JMJD7: variants seen among roughly 807,000 people sequenced by gnomAD.
JMJD7 encodes the protein bifunctional peptidase and (3S)-lysyl hydroxylase JMJD7.
In JMJD7, 41 loss-of-function variants were observed where a neutral mutation model predicts 41.1. That is an observed-to-expected ratio of 1.00 (90% CI 0.78 to 1.30). The LOEUF is 1.30. Among genes scored for constraint, JMJD7 ranks in the 50% most tolerant of loss-of-function variants. JMJD7 has a pLI of 0.00. For synonymous variants in JMJD7, 202 were observed against 177.2 expected (o/e 1.14, Z -1.11); for missense variants, 480 against 420.7 (o/e 1.14, Z -1.23).
chr15:41,829,084 A>T (rs1469781062), intron 1 of JMJD7: 3 of 152,276 alleles, frequency 2.0e-5, no homozygotes, highest in Non-Finnish European at 2.9e-5. Flanking sequence ...CACTGAACAA[A>T]ACAAATCTGT....
rs1596114716 is a variant in JMJD7 at position 41,835,479 on chromosome 15, C to T, written c.473-109C>T. On this transcript the variant is annotated intron_variant, in intron 3 of 7. Coordinates refer to ENST00000397299, the MANE Select transcript of JMJD7 (RefSeq NM_001114632.2). ...AACCTCTGCCTCTTCTCCCTGACCC[C>T]TTTCTTGGGATTCTTCTGTGCTCAC... 9 of 1,491,382 alleles carry T rather than the reference C, an allele frequency of 6.0e-6. No individual in the cohort carries two copies. In the East Asian group the frequency reaches 1.6e-4, roughly 26 times the overall value. 92.4% of individuals were successfully genotyped at this position (1,491,382 alleles called of 1,614,324 possible). A position where few individuals can be genotyped will look rare whatever the true frequency, so the allele number is the denominator to read the frequency against.
intron 5 of JMJD7, 105 bp from the exon 6 acceptor site, chr15:41,836,370 C>T (rs2303516): frequency 6.5e-7 from 1 of 1,548,666 alleles, no homozygotes; most frequent in South Asian, 1.2e-5. Flanking sequence ...TGCACCAGGG[C>T]CCCTGATCCC....
chr15:41,835,488 G>A, intron 3 of JMJD7, 100 bp from the exon 4 acceptor site: 1 of 1,509,792 alleles, frequency 6.6e-7, no homozygotes, highest in Middle Eastern at 1.9e-4. Context: ...CCTTTCTTGG[G>A]ATTCTTCTGT....
chr15:41,835,894 G>A (rs2065305797), intron 4 of JMJD7, among the ~76,000 whole-genome samples: 2 of 152,312 alleles, frequency 1.3e-5, no homozygotes, highest in African/African-American at 4.8e-5. Context: ...AGGCCCGCTG[G>A]GCCAGGGGGT....
Position 41,835,622 on chromosome 15 carries a change from G to A in JMJD7, c.507G>A (p.Gly169=), listed in dbSNP as rs2065300385. 2 of 1,613,898 alleles carry A rather than the reference G, an allele frequency of 1.2e-6. No individual in the cohort carries two copies. Among genetic ancestry groups the A allele is most frequent in the Non-Finnish European group, 1.7e-6 (2 of 1,179,858 alleles). ...CCGATGCTGTGAACTTCTGGCTGGG[G>A]GAGGCGGCTGCAGTGACTTCTTGTA... ...KMPDAVNFWL[G]EAAAVTSLHK... is the part of the protein sequence containing the mutation. The change falls in exon 4 of 8, where the codon GGG becomes GGA. Residue 169 remains glycine, a synonymous_variant. Transcript: ENST00000397299.
chr15:41,828,446 C>A (rs1481995936), intron 1 of JMJD7: 5 of 391,158 alleles, frequency 1.3e-5, no homozygotes, highest in Admixed American at 4.6e-5. Flanking sequence ...TTCCTACAGT[C>A]TTGAGCAGCT....
At position 41,835,066 on chromosome 15, in the gene JMJD7, C is replaced by T. The variant is rs1430611956; in HGVS notation, c.315C>T (p.Arg105=). The T allele has an allele frequency of 6.2e-7, 1 of 1,613,826 alleles. No homozygotes were observed. The highest frequency in any genetic ancestry group is 8.5e-7 in the Non-Finnish European group (1 of 1,180,050). ...RGDRFMMPAE[R]RLPLSFVLDV... ...ATCGCTTCATGATGCCAGCTGAGCG[C>T]CGCCTGCCCCTGAGCTTCGTGCTGG... The change falls in exon 3 of 8, where the codon CGC becomes CGT. Residue 105 remains arginine, a synonymous_variant. Transcript: ENST00000397299.
At chr15:41,833,414 A>ATATATATTTTTTTTTTTTT (rs1239528383) in intron 1 of JMJD7, among the ~76,000 whole-genome samples, 1 of 31,998 alleles carries the variant, frequency 3.1e-5, no homozygotes. Context: ...ATATATATAT[A>ATATATATTTTTTTTTTTTT]TTTTTTTTTT....
Position 41,835,628 on chromosome 15 carries a change from G to A in JMJD7, c.513G>A (p.Ala171=), listed in dbSNP as rs146308669. Residue 171 remains alanine (A), a synonymous_variant, in exon 4 of 8, where the codon GCG becomes GCA. Transcript: ENST00000397299. ...CTGTGAACTTCTGGCTGGGGGAGGC[G>A]GCTGCAGTGACTTCTTGTAGGTGTA... The part of the protein sequence containing the change: ...PDAVNFWLGE[A]AAVTSLHKDH... The A allele has an allele frequency of 6.8e-4, 1,097 of 1,613,822 alleles. 3 individuals carry two copies. Among genetic ancestry groups the A allele is most frequent in the Middle Eastern group, 2.0e-3 (12 of 6,056 alleles).
chr15:41,833,410 ATATATTT>A (rs1444426203), intron 1 of JMJD7, among the ~76,000 whole-genome samples: 2 of 39,732 alleles, frequency 5.0e-5, no homozygotes, highest in Admixed American at 3.2e-4. Flanking sequence ...ATATATATAT[ATATATTT>A]TTTTTTTTTT....
At chr15:41,833,519 C>A (rs2065265081) in intron 1 of JMJD7, among the ~76,000 whole-genome samples, 1 of 146,166 alleles carries the variant, frequency 6.8e-6, no homozygotes, top group Non-Finnish European at 1.5e-5. Flanking sequence ...CTCTTGGACT[C>A]AAGTGATCCT....
intron 1 of JMJD7, among the ~76,000 whole-genome samples, chr15:41,830,514 A>G (rs1174101754): frequency 6.6e-6 from 1 of 152,032 alleles, no homozygotes; most frequent in East Asian, 1.9e-4. Context: ...GTGGAGTGGG[A>G]GCTCCCTAGG....
rs534066947 is a variant in JMJD7 at position 41,830,668 on chromosome 15, T to C, written c.64+2480T>C. ...GTGGACCCAGGCATGTCTGCACTTTTGGGGACCCAGGAAGGCCCCTTCCTG... is the reference window on the plus strand; with the variant it reads ...GTGGACCCAGGCATGTCTGCACTTTCGGGGACCCAGGAAGGCCCCTTCCTG... On this transcript the variant is annotated intron_variant, in intron 1 of 7. Transcript: ENST00000397299. Among the ~76,000 whole-genome samples the C allele has an allele frequency of 6.6e-5, 10 of 152,306 alleles. No individual in the cohort carries two copies. In the East Asian group the frequency reaches 1.9e-3, roughly 29 times the overall value.
chr15:41,834,666 AGGGCATCTCTTGGGCAGGGACT>A, intron 1 of JMJD7, 52 bp from the exon 2 acceptor site: 1 of 1,563,816 alleles, frequency 6.4e-7, no homozygotes, highest in South Asian at 1.2e-5. Context: ...CTTTCCAGGG[AGGGCATCTCTTGGGCAGGGACT>A]GGGTGCTGCA....
At chr15:41,835,319 G>A (rs2065295814) in intron 3 of JMJD7, 96 bp downstream of exon 3, 7 of 1,486,120 alleles carry the variant, frequency 4.7e-6, no homozygotes, top group South Asian at 1.3e-5. Flanking sequence ...CTGGCCTATG[G>A]GCTTGGTCCT....
chr15:41,835,870 A>G (rs1182147746), intron 4 of JMJD7, among the ~76,000 whole-genome samples: 2 of 152,214 alleles, frequency 1.3e-5, no homozygotes, highest in Non-Finnish European at 2.9e-5. Context: ...CTAGACCCAA[A>G]GAAACCTCCC....
rs2065307900 is a variant in JMJD7, at chr15:41,836,030, G to A, written c.530-118G>A. ...GGCATCTCCAGCCCACTGGCTCTGT[G>A]CGTGCTTCTCTTTTGTCATAGGACG... On this transcript the variant is annotated intron_variant, in intron 4 of 7. Coordinates refer to ENST00000397299, the MANE Select transcript of JMJD7 (RefSeq NM_001114632.2). 3 of 1,106,672 alleles carry A rather than the reference G, an allele frequency of 2.7e-6. No homozygotes were observed. In the South Asian group the frequency reaches 4.9e-5, roughly 18 times the overall value. The allele number at this position is 1,106,672 out of a possible 1,614,324, so 68.6% of individuals were successfully genotyped here.
At chr15:41,830,520 C>T (rs563440807) in intron 1 of JMJD7, among the ~76,000 whole-genome samples, 2 of 152,290 alleles carry the variant, frequency 1.3e-5, no homozygotes, top group African/African-American at 4.8e-5. Flanking sequence ...TGGGAGCTCC[C>T]TAGGCGCAAT....
Position 41,834,816 on chromosome 15 carries a change from C to T in JMJD7, c.141C>T (p.Cys47=). ...TPLHFYRDWV[C]PNRPCIIRNA... is the part of the protein sequence containing the mutation. The stretch of plus-strand genomic sequence containing the variant: ...TCCACTTCTACCGGGACTGGGTCTG[C>T]CCCAACAGGCCGTGCATTATCCGCA... Residue 47 remains cysteine, a synonymous_variant, in exon 2 of 8, where the codon TGC becomes TGT. Transcript: ENST00000397299. The T allele has an allele frequency of 6.2e-7, 1 of 1,614,216 alleles. No individual in the cohort carries two copies. The highest frequency in any genetic ancestry group is 8.5e-7 in the Non-Finnish European group (1 of 1,180,046).
Sources: gnomAD v4.1 joint callset for allele counts (sites outside exome capture counted in the v4.1 genomes callset) on GRCh38, gnomAD v4.1.1 for gene constraint, MANE v1.5 for transcripts, NCBI Gene and HGNC (gene_info 2026-07-23, HGNC 2026-07-21) for gene names.